The following CDH13 variants were observed in gnomAD, a reference collection of about 807,000 sequenced individuals.
CDH13 encodes cadherin 13, also known as cadherin-13.
CDH13 carries 24 observed loss-of-function variants against 63.8 expected under a neutral mutation model. That is an observed-to-expected ratio of 0.38 (90% CI 0.27 to 0.53). The LOEUF (loss-of-function observed/expected upper bound fraction) is 0.53. CDH13 is among the 20% of genes least tolerant of loss of function. CDH13 has a pLI of 0.85. For synonymous variants in CDH13, 503 were observed against 355.3 expected, an observed-to-expected ratio of 1.42 and a Z score of -4.67; for missense variants, 1,049 against 903.1, an observed-to-expected ratio of 1.16 and a Z score of -2.07.
chr16:83,105,634 A>G (rs1279841947), intron 3 of CDH13, among the ~76,000 whole-genome samples: 1 of 151,734 alleles, frequency 6.6e-6, no homozygotes, highest in Non-Finnish European at 1.5e-5. Flanking sequence ...GATGGCATGA[A>G]TTAAATAGAT....
intron 1 of CDH13, among the ~76,000 whole-genome samples, chr16:82,643,141 A>C (rs12444786): frequency 2.0e-5 from 3 of 152,084 alleles, no homozygotes; most frequent in African/African-American, 4.8e-5. Flanking sequence ...TGGTGATTAC[A>C]TTAGCTCTCT....
chr16:83,193,763 G>C (rs999351166), intron 4 of CDH13, among the ~76,000 whole-genome samples: 1 of 152,052 alleles, frequency 6.6e-6, no homozygotes, highest in African/African-American at 2.4e-5. Flanking sequence ...ATTCACCTTG[G>C]CATAGACAAG....
intron 2 of CDH13, among the ~76,000 whole-genome samples, chr16:82,967,167 A>G (rs2151357814): frequency 6.6e-6 from 1 of 152,244 alleles, no homozygotes; most frequent in South Asian, 2.1e-4. Flanking sequence ...AAGAAAGTAC[A>G]AGCAAGGAAC....
rs565836578 is a variant in CDH13, at chr16:83,345,153, T to G, written c.781+147T>G. 6.4e-5 allele frequency: 56 copies of G among 877,896 alleles called. No homozygotes were observed. In the African/African-American group the frequency reaches 9.0e-4, roughly 14 times the overall value. 54.4% of individuals were successfully genotyped at this position (877,896 alleles called of 1,614,324 possible). On this transcript the variant is annotated intron_variant, in intron 6 of 13. Coordinates refer to ENST00000567109, the MANE Select transcript of CDH13 (RefSeq NM_001257.5). ...AATACTTCCCTGCGTAGAAGCCAGG[T>G]TGGAAAGCTAAAGTGCAAAGCTTGA...
intron 12 of CDH13, among the ~76,000 whole-genome samples, chr16:83,782,065 T>A (rs1421893270): frequency 6.6e-6 from 1 of 152,234 alleles, no homozygotes; most frequent in Non-Finnish European, 1.5e-5. Context: ...CTTCTGGTAA[T>A]GATCATGCTT....
chr16:82,866,690 C>G (rs889649706), intron 2 of CDH13, among the ~76,000 whole-genome samples: 1 of 152,130 alleles, frequency 6.6e-6, no homozygotes, highest in Admixed American at 6.5e-5. Context: ...AATTGACTCA[C>G]AGTTCAGCAT....
intron 1 of CDH13, among the ~76,000 whole-genome samples, chr16:82,831,092 A>G (rs1336011166): frequency 6.6e-6 from 1 of 152,044 alleles, no homozygotes; most frequent in Non-Finnish European, 1.5e-5. Flanking sequence ...CTTCAGCATC[A>G]CCTGAGCACT....
intron 2 of CDH13, among the ~76,000 whole-genome samples, chr16:82,955,305 C>A (rs920064287): frequency 1.3e-5 from 2 of 152,216 alleles, no homozygotes; most frequent in African/African-American, 4.8e-5. Context: ...CAGGCACTTG[C>A]AGACATAGAT....
chr16:83,142,640 A>C (rs117877816), intron 4 of CDH13, among the ~76,000 whole-genome samples: 2,099 of 152,262 alleles, frequency 0.014, 149 homozygotes, highest in Admixed American at 0.12. Flanking sequence ...GTATTTGTTC[A>C]ATTGATTATG....
At chr16:83,122,324 C>T (rs1051381187) in intron 3 of CDH13, among the ~76,000 whole-genome samples, 12 of 152,100 alleles carry the variant, frequency 7.9e-5, no homozygotes, top group Admixed American at 5.2e-4. Flanking sequence ...CATTAGGTCT[C>T]CAGCATGTTT....
chr16:82,951,969 C>T (rs886849269), intron 2 of CDH13, among the ~76,000 whole-genome samples: 1 of 152,200 alleles, frequency 6.6e-6, no homozygotes, highest in African/African-American at 2.4e-5. Context: ...GACTCCCTCC[C>T]AACAGGGTCG....
At chr16:82,733,012 A>G (rs928804871) in intron 1 of CDH13, among the ~76,000 whole-genome samples, 3 of 152,240 alleles carry the variant, frequency 2.0e-5, no homozygotes, top group Non-Finnish European at 2.9e-5. Flanking sequence ...CTTTCTCAAC[A>G]TAAGGCAAAT....
intron 2 of CDH13, among the ~76,000 whole-genome samples, chr16:82,967,122 C>G (rs1237036071): frequency 6.6e-6 from 1 of 151,984 alleles, no homozygotes; most frequent in Non-Finnish European, 1.5e-5. Context: ...TTCGGTGTCT[C>G]CCATGATTAG....
At chr16:83,592,478 C>A (rs1341153682) in intron 7 of CDH13, among the ~76,000 whole-genome samples, 1 of 152,136 alleles carries the variant, frequency 6.6e-6, no homozygotes, top group Non-Finnish European at 1.5e-5. Context: ...TATTTGCCAC[C>A]TTGAGCCTAC....
chr16:83,371,206 T>G (rs931829816), intron 6 of CDH13, among the ~76,000 whole-genome samples: 2 of 152,374 alleles, frequency 1.3e-5, no homozygotes, highest in African/African-American at 4.8e-5. Flanking sequence ...ATATAAATCA[T>G]TCTGCCATAA....
chr16:83,068,693 G>T (rs900987994), intron 3 of CDH13, among the ~76,000 whole-genome samples: 1 of 152,132 alleles, frequency 6.6e-6, no homozygotes, highest in African/African-American at 2.4e-5. Context: ...CCACAGCTCT[G>T]CAAGAAGAAT....
At chr16:82,726,853 T>C (rs2033124984) in intron 1 of CDH13, among the ~76,000 whole-genome samples, 1 of 152,200 alleles carries the variant, frequency 6.6e-6, no homozygotes, top group African/African-American at 2.4e-5. Flanking sequence ...ATTAATAGTA[T>C]TATCCCCATT....
At chr16:83,479,546 A>G (rs1030642821) in intron 6 of CDH13, among the ~76,000 whole-genome samples, 1 of 152,046 alleles carries the variant, frequency 6.6e-6, no homozygotes, top group Non-Finnish European at 1.5e-5. Flanking sequence ...AGTCCCAGCT[A>G]CTCAGGAGGC....
rs77008841 is a variant in CDH13 at position 83,221,031 on chromosome 16, G to A, written c.636+3534G>A. Among the ~76,000 whole-genome samples, 34 of 152,338 alleles carry A rather than the reference G, an allele frequency of 2.2e-4. 1 individual carries two copies. In the East Asian group the frequency reaches 6.2e-3, roughly 28 times the overall value. The stretch of plus-strand genomic sequence containing the variant: ...CCATTTCACAGATAAGCAAATAGCT[G>A]TTAAACAACTTTTTCAAGGTCTCAC... On this transcript the variant is annotated intron_variant, in intron 5 of 13. Transcript: ENST00000567109.
Sources: allele counts gnomAD v4.1 joint callset (sites outside exome capture counted in the v4.1 genomes callset), GRCh38; gene constraint gnomAD v4.1.1; transcripts MANE v1.5; gene names NCBI Gene and HGNC (gene_info 2026-07-23, HGNC 2026-07-21).